TBX15: variants seen among roughly 807,000 people sequenced by gnomAD.
TBX15 encodes the protein T-box transcription factor 15, also known as T-box transcription factor TBX15.
In TBX15, 18 loss-of-function variants were observed where a neutral mutation model predicts 53.9. That is an observed-to-expected ratio of 0.33 (90% confidence interval 0.23 to 0.49). The LOEUF (loss-of-function observed/expected upper bound fraction) is 0.49, where lower values mean the gene tolerates loss of function less well. Ranked by LOEUF, TBX15 falls within the 20% of genes least tolerant of loss-of-function variation. TBX15 has a pLI of 0.98. For synonymous variants in TBX15, 295 were observed against 278.0 expected, an observed-to-expected ratio of 1.06 and a Z score of -0.61; for missense variants, 692 against 749.5, an observed-to-expected ratio of 0.92 and a Z score of 0.90.
chr1:118,896,956 C>CTCTAA (rs1402172334), intron 7 of TBX15, among the ~76,000 whole-genome samples: 1 of 152,118 alleles, frequency 6.6e-6, no homozygotes, highest in Non-Finnish European at 1.5e-5. Flanking sequence ...CTGGCTTTTT[C>CTCTAA]TCTAACCCCA....
chr1:118,964,524 T>A (rs1656978760), intron 1 of TBX15, among the ~76,000 whole-genome samples: 2 of 152,234 alleles, frequency 1.3e-5, no homozygotes, highest in South Asian at 4.1e-4. Flanking sequence ...ATAACCACTA[T>A]CCTCCTTGAA....
In TBX15 at chr1:118,908,516, T is replaced by C. The variant is rs139365322; in HGVS notation, c.926+5599A>G. Among the ~76,000 whole-genome samples the C allele has an allele frequency of 1.9e-3, 292 of 152,070 alleles. 1 individual carries two copies. The highest frequency in any genetic ancestry group is 6.5e-3 in the African/African-American group (268 of 41,484). ...TGCCTGACAGCTACAGGCCTGATAATAGGTGAACACTGCCCCCATCCCACA... is the reference window on the plus strand; with the variant it reads ...TGCCTGACAGCTACAGGCCTGATAACAGGTGAACACTGCCCCCATCCCACA... On this transcript the variant is annotated intron_variant, in intron 6 of 7. Transcript: ENST00000369429.
intron 6 of TBX15, among the ~76,000 whole-genome samples, chr1:118,905,189 T>C (rs1557877823): frequency 6.6e-6 from 1 of 152,222 alleles, no homozygotes. Flanking sequence ...TGGAGGGAGC[T>C]GTATGGTACC....
At chr1:118,949,133 A>C (rs1656435470) in intron 1 of TBX15, among the ~76,000 whole-genome samples, 1 of 152,208 alleles carries the variant, frequency 6.6e-6, no homozygotes, top group Non-Finnish European at 1.5e-5. Flanking sequence ...CAGATTGATT[A>C]GTGATGTGTT....
intron 5 of TBX15, among the ~76,000 whole-genome samples, chr1:118,918,056 A>G (rs1420678859): frequency 1.3e-5 from 2 of 152,138 alleles, no homozygotes; most frequent in East Asian, 1.9e-4. Context: ...TCATTTCTCT[A>G]CTTTGCACAT....
intron 6 of TBX15, among the ~76,000 whole-genome samples, chr1:118,906,297 G>A (rs867044394): frequency 2.6e-5 from 4 of 152,118 alleles, no homozygotes; most frequent in African/African-American, 9.7e-5. Flanking sequence ...ATAATAGAGA[G>A]CTCTATTAGC....
chr1:118,965,365 C>T (rs1657003749), intron 1 of TBX15, among the ~76,000 whole-genome samples: 2 of 152,130 alleles, frequency 1.3e-5, no homozygotes, highest in Non-Finnish European at 2.9e-5. Context: ...ATGATGAAAT[C>T]AATTTGCAAG....
intron 1 of TBX15, among the ~76,000 whole-genome samples, chr1:118,969,288 G>A (rs1418653315): frequency 6.6e-6 from 1 of 152,178 alleles, no homozygotes; most frequent in Non-Finnish European, 1.5e-5. Context: ...GATTATTATA[G>A]GGGTGTCAAG....
chr1:118,955,379 C>T (rs1361083659), intron 1 of TBX15, among the ~76,000 whole-genome samples: 1 of 152,214 alleles, frequency 6.6e-6, no homozygotes, highest in Non-Finnish European at 1.5e-5. Context: ...TACTTATACA[C>T]AAGTCAGCAT....
Position 118,884,506 on chromosome 1 carries a change from A to T in TBX15, c.*226T>A. On this transcript the variant is annotated 3_prime_UTR_variant, in exon 8 of 8. Coordinates refer to ENST00000369429, the MANE Select transcript of TBX15 (RefSeq NM_001330677.2). ...ATGCTTTATAAAACTAAGGTCTGGG[A>T]AGGCAGAAGAATGGCCACTGAGTTG... 1.7e-6 allele frequency: 1 copy of T among 593,586 alleles called. No individual in the cohort carries two copies. The highest frequency in any genetic ancestry group is 2.9e-5 in the East Asian group (1 of 34,004). The allele number at this position is 593,586 out of a possible 1,614,324, so 36.8% of individuals were successfully genotyped here. A position where few individuals can be genotyped will look rare whatever the true frequency, so the allele number is the denominator to read the frequency against.
At chr1:118,962,618 G>T (rs1176108434) in intron 1 of TBX15, among the ~76,000 whole-genome samples, 1 of 152,102 alleles carries the variant, frequency 6.6e-6, no homozygotes, top group East Asian at 1.9e-4. Context: ...ATATCAAAGT[G>T]CTCTCAAAAA....
intron 2 of TBX15, among the ~76,000 whole-genome samples, chr1:118,929,229 T>C (rs1358940757): frequency 6.6e-6 from 1 of 152,170 alleles, no homozygotes; most frequent in Non-Finnish European, 1.5e-5. Flanking sequence ...TCTGAATCAA[T>C]AGGATCACAG....
At chr1:118,957,698 A>G (rs1484303324) in intron 1 of TBX15, among the ~76,000 whole-genome samples, 3 of 152,098 alleles carry the variant, frequency 2.0e-5, no homozygotes, top group Admixed American at 2.0e-4. Flanking sequence ...TTCCATTGCC[A>G]CCTATGAGTG....
At chr1:118,955,128 C>T (rs1477783907) in intron 1 of TBX15, among the ~76,000 whole-genome samples, 1 of 152,180 alleles carries the variant, frequency 6.6e-6, no homozygotes, top group Non-Finnish European at 1.5e-5. Context: ...TTGCCTATAC[C>T]TCACCATGGA....
rs1468092991 is a variant in TBX15 at position 118,884,440 on chromosome 1, G to A, written c.*292C>T. ...GCATCTCCCTTAACATTATGACGAA[G>A]TGATTATTCAGTCTCTTCAAAGGCC... On this transcript the variant is annotated 3_prime_UTR_variant, in exon 8 of 8. Transcript: ENST00000369429. 1 of 460,548 alleles carries A rather than the reference G, an allele frequency of 2.2e-6. No individual in the cohort carries two copies. The highest frequency in any genetic ancestry group is 4.0e-6 in the Non-Finnish European group (1 of 252,744). The allele number at this position is 460,548 out of a possible 1,614,324, so 28.5% of individuals were successfully genotyped here.
At chr1:118,943,242 GA>G (rs1656243902) in intron 1 of TBX15, among the ~76,000 whole-genome samples, 1 of 152,286 alleles carries the variant, frequency 6.6e-6, no homozygotes, top group South Asian at 2.1e-4. Context: ...GAGACAGAAA[GA>G]AGACTTTCAA....
chr1:118,911,745 G>A (rs892623871), intron 6 of TBX15, among the ~76,000 whole-genome samples: 1 of 152,164 alleles, frequency 6.6e-6, no homozygotes, highest in African/African-American at 2.4e-5. Flanking sequence ...GTCACGCCTT[G>A]TAGCCACAGG....
At chr1:118,921,932 C>T (rs573219161) in intron 5 of TBX15, among the ~76,000 whole-genome samples, 1 of 152,130 alleles carries the variant, frequency 6.6e-6, no homozygotes, top group African/African-American at 2.4e-5. Context: ...CAAAAGAGAA[C>T]AATTTATGCT....
chr1:118,928,011 C>T (rs1167541956), intron 2 of TBX15, among the ~76,000 whole-genome samples: 5 of 152,156 alleles, frequency 3.3e-5, no homozygotes, highest in African/African-American at 1.2e-4. Flanking sequence ...CACATATGGC[C>T]TAATTGGCTT....
Sources: gnomAD v4.1 joint callset for allele counts (sites outside exome capture counted in the v4.1 genomes callset) on GRCh38, gnomAD v4.1.1 for gene constraint, MANE v1.5 for transcripts, NCBI Gene and HGNC (gene_info 2026-07-23, HGNC 2026-07-21) for gene names.